The following KRT83 variants were observed in gnomAD, a reference collection of about 807,000 sequenced individuals.
The protein encoded by KRT83 is keratin 83.
Under a neutral mutation model 52.9 loss-of-function variants are expected in KRT83, and 51 were observed. That is an observed-to-expected ratio of 0.96 (90% CI 0.77 to 1.22). The LOEUF (loss-of-function observed/expected upper bound fraction) is 1.22. Among genes scored for constraint, KRT83 ranks in the 50% most tolerant of loss-of-function variants. KRT83 has a pLI of 0.00. For synonymous variants in KRT83, 278 were observed against 274.1 expected, an observed-to-expected ratio of 1.01 and a Z score of -0.14; for missense variants, 654 against 666.5, an observed-to-expected ratio of 0.98 and a Z score of 0.21.
chr12:52,315,828 A>T, intron 7 of KRT83, 65 bp downstream of exon 7: 1 of 1,606,936 alleles, frequency 6.2e-7, no homozygotes, highest in Non-Finnish European at 8.5e-7. Context: ...TGAGACTGAG[A>T]TAGGGAAAAA....
Position 52,314,509 on chromosome 12 carries a change from C to T in KRT83, c.*122G>A, listed in dbSNP as rs989100936. 28 of 932,682 alleles carry T rather than the reference C, an allele frequency of 3.0e-5. 1 individual carries two copies. Among genetic ancestry groups the T allele is most frequent in the Middle Eastern group, 3.1e-4 (1 of 3,212 alleles). 57.8% of individuals were successfully genotyped at this position (932,682 alleles called of 1,614,324 possible). On this transcript the variant is annotated 3_prime_UTR_variant, in exon 9 of 9. Transcript: ENST00000293670. The stretch of plus-strand genomic sequence containing the variant: ...GGAGGAGCCGCTGGTGGGAATGAGC[C>T]GATGGTGTATTCTCAGAACACAAGG...
chr12:52,314,431 G>A lies in KRT83; in HGVS notation c.*200C>T. On this transcript the variant is annotated 3_prime_UTR_variant, in exon 9 of 9. Coordinates refer to ENST00000293670, the MANE Select transcript of KRT83 (RefSeq NM_002282.3). ...GGGGCTGAAGGCTGAGACAGGGGAA[G>A]GAATGGGTCTATTCCCCAGCCACAG... 1 of 633,294 alleles carries A rather than the reference G, an allele frequency of 1.6e-6. No homozygotes were observed. 39.2% of individuals were successfully genotyped at this position (633,294 alleles called of 1,614,324 possible). A position where few individuals can be genotyped will look rare whatever the true frequency, so the allele number is the denominator to read the frequency against.
At chr12:52,320,770 T>G (rs1938755815) in intron 1 of KRT83, among the ~76,000 whole-genome samples, 182 bp downstream of exon 1, 1 of 152,200 alleles carries the variant, frequency 6.6e-6, no homozygotes, top group Admixed American at 6.5e-5. Context: ...CCCCCATCAG[T>G]CTGGTAGCTC....
intron 2 of KRT83, among the ~76,000 whole-genome samples, chr12:52,318,494 A>G (rs1023261824): frequency 4.0e-5 from 6 of 151,826 alleles, no homozygotes; most frequent in African/African-American, 1.2e-4. Flanking sequence ...ACTCAGCTGC[A>G]GGTGGTGGGA....
rs1328157595 is a variant in KRT83 at position 52,314,452 on chromosome 12, C to T, written c.*179G>A. On this transcript the variant is annotated 3_prime_UTR_variant, in exon 9 of 9. Transcript: ENST00000293670. ...GGAAGGAATGGGTCTATTCCCCAGC[C>T]ACAGGCCCCTTTCCAGTGGGATGAA... 2 of 683,124 alleles carry T rather than the reference C, an allele frequency of 2.9e-6. No individual in the cohort carries two copies. Among genetic ancestry groups the T allele is most frequent in the Non-Finnish European group, 5.2e-6 (2 of 381,528 alleles). 42.3% of individuals were successfully genotyped at this position (683,124 alleles called of 1,614,324 possible).
Position 52,314,349 on chromosome 12 carries a change from C to A in KRT83, c.*282G>T. 3.8e-6 allele frequency: 2 copies of A among 529,036 alleles called. No individual in the cohort carries two copies. Among genetic ancestry groups the A allele is most frequent in the Non-Finnish European group, 3.4e-6 (1 of 290,860 alleles). 32.8% of individuals were successfully genotyped at this position (529,036 alleles called of 1,614,324 possible). A position where few individuals can be genotyped will look rare whatever the true frequency, so the allele number is the denominator to read the frequency against. On this transcript the variant is annotated 3_prime_UTR_variant, in exon 9 of 9. Transcript: ENST00000293670. ...AAGGGGAGACAAGAGGCCAGAGAGG[C>A]AGGGGGAACAGTCTCACAGTGCTTC...
chr12:52,314,578 C>A lies in KRT83; in HGVS notation c.*53G>T. 1 of 1,485,814 alleles carries A rather than the reference C, an allele frequency of 6.7e-7. No homozygotes were observed. The highest frequency in any genetic ancestry group is 9.2e-7 in the Non-Finnish European group (1 of 1,088,706). The allele number at this position is 1,485,814 out of a possible 1,614,324, so 92.0% of individuals were successfully genotyped here. A position where few individuals can be genotyped will look rare whatever the true frequency, so the allele number is the denominator to read the frequency against. ...CTGCTGTTTTCAGCTGGTGGTGGGG[C>A]AGTGGCACGTCTGGCAGGCAGAAGG... On this transcript the variant is annotated 3_prime_UTR_variant, in exon 9 of 9. Coordinates refer to ENST00000293670, the MANE Select transcript of KRT83 (RefSeq NM_002282.3).
At chr12:52,315,695 C>A (rs1266032199) in intron 7 of KRT83, among the ~76,000 whole-genome samples, 198 bp downstream of exon 7, 2 of 152,188 alleles carry the variant, frequency 1.3e-5, no homozygotes, top group Non-Finnish European at 2.9e-5. Flanking sequence ...GGCCAGCAAC[C>A]CTGCCCTAGA....
In KRT83 at chr12:52,321,106, C is replaced by G. The variant is rs1938761643; in HGVS notation, c.230G>C (p.Gly77Ala). 3 of 1,612,204 alleles carry G rather than the reference C, an allele frequency of 1.9e-6. No individual in the cohort carries two copies. The South Asian group carries it at 3.3e-5, about 18-fold the overall frequency. The part of the protein sequence containing the change: ...SFGYRSGGVC[G>A]PSPPCITTVS... ...GGTGGTGATGCATGGGGGGCTGGGT[C>G]CGCACACGCCCCCGGAGCGGTAGCC... is the stretch of plus-strand genomic sequence containing the variant. Residue 77 changes from glycine to alanine, a missense_variant, in exon 1 of 9, where the codon GGA (glycine) becomes GCA (alanine). Coordinates refer to ENST00000293670, the MANE Select transcript of KRT83 (RefSeq NM_002282.3).
chr12:52,315,297 G>A lies in KRT83; in HGVS notation c.1294+15C>T, dbSNP rs1938668874. On this transcript the variant is annotated intron_variant, in intron 8 of 8. Transcript: ENST00000293670. The stretch of plus-strand genomic sequence containing the variant: ...CCCAGTCTACATTTTCCTTTTCAGG[G>A]CTCAAGATACTTACAGACATTCACA... The A allele has an allele frequency of 6.2e-7, 1 of 1,613,076 alleles. No individual in the cohort carries two copies. Among genetic ancestry groups the A allele is most frequent in the Non-Finnish European group, 8.5e-7 (1 of 1,179,252 alleles).
Position 52,321,090 on chromosome 12 carries a change from G to A in KRT83, c.246C>T (p.Cys82=). 6.2e-7 allele frequency: 1 copy of A among 1,612,328 alleles called. No individual in the cohort carries two copies. Among genetic ancestry groups the A allele is most frequent in the South Asian group, 1.1e-5 (1 of 91,006 alleles). ...TCTCGTTGACCGACACGGTGGTGAT[G>A]CATGGGGGGCTGGGTCCGCACACGC... The part of the protein sequence containing the change: ...SGGVCGPSPP[C]ITTVSVNESL... Residue 82 remains cysteine (C), a synonymous_variant, in exon 1 of 9, where the codon TGC becomes TGT. Transcript: ENST00000293670.
chr12:52,317,161 T>G (rs1938701167), intron 4 of KRT83, 138 bp from the exon 5 acceptor site: 1 of 1,152,552 alleles, frequency 8.7e-7, no homozygotes, highest in Admixed American at 2.0e-5. Flanking sequence ...CACATAACTT[T>G]CTGCACAAAT....
intron 2 of KRT83, 60 bp from the exon 3 acceptor site, chr12:52,318,030 A>ATATATGCAAAGGAGTCTCTTTCCTAGACC (rs1938713967): frequency 5.5e-6 from 8 of 1,465,586 alleles, no homozygotes; most frequent in Non-Finnish European, 7.6e-6. Flanking sequence ...GGCCATGAGC[A>ATATATGCAAAGGAGTCTCTTTCCTAGACC]TATATGCAAA....
In KRT83 at chr12:52,319,728, C is replaced by T. The variant is rs541914460; in HGVS notation, c.385-364G>A. 8.5e-5 allele frequency among the ~76,000 whole-genome samples: 13 copies of T among 152,342 alleles called. No homozygotes were observed. In the South Asian group the frequency reaches 1.0e-3, roughly 12 times the overall value. ...TTAAAAGAACCCTTTAACAGAAAGG[C>T]ACCCCACACTGAACAGCTACTGCTG... On this transcript the variant is annotated intron_variant, in intron 1 of 8. Transcript: ENST00000293670.
Position 52,316,525 on chromosome 12 carries a change from G to A in KRT83, c.984C>T (p.Asn328=), listed in dbSNP as rs2257286. 0.41 allele frequency: 660,583 copies of A among 1,613,642 alleles called. 137,794 individuals are homozygous for A. The highest frequency in any genetic ancestry group is 0.49 in the African/African-American group (36,498 of 74,878). Residue 328 remains asparagine (N), a synonymous_variant, in exon 6 of 9, where the codon AAC becomes AAT. Transcript: ENST00000293670. ...GCCTCTGGATCATGCGGTTCAGCTC[G>A]TTGATCTCCTCCTTGGTGCGGCGCA... ...ETLRRTKEEI[N]ELNRMIQRLT...
rs143142877 is a variant in KRT83 at position 52,315,916 on chromosome 12, G to A, written c.1239C>T (p.Arg413=). The A allele has an allele frequency of 9.3e-6, 15 of 1,612,650 alleles. No individual in the cohort carries two copies. In the African/African-American group the frequency reaches 1.6e-4, roughly 17 times the overall value. Residue 413 remains arginine (R), a synonymous_variant, in exon 7 of 9, where the codon CGC becomes CGT. Coordinates refer to ENST00000293670, the MANE Select transcript of KRT83 (RefSeq NM_002282.3). ...ACCTCTGCTCCTCGCCCTCCAGCAG[G>A]CGCCTGTAGGTGGCGATCTCGATAT... ...GLDIEIATYR[R]LLEGEEQRLC...
Position 52,315,348 on chromosome 12 carries a change from G to A in KRT83, c.1263-5C>T, listed in dbSNP as rs1938669977. On this transcript the variant is annotated splice_region_variant and splice_polypyrimidine_tract_variant and intron_variant, in intron 7 of 8. Coordinates refer to ENST00000293670, the MANE Select transcript of KRT83 (RefSeq NM_002282.3). The stretch of plus-strand genomic sequence containing the variant: ...GCTTCAACACCTTCACACAGCCTGA[G>A]TGGGGAAAAAGTAAGGAAGGGGAAG... The A allele has an allele frequency of 1.9e-6, 3 of 1,613,786 alleles. No individual in the cohort carries two copies. Among genetic ancestry groups the A allele is most frequent in the Non-Finnish European group, 2.5e-6 (3 of 1,179,734 alleles).
Position 52,319,213 on chromosome 12 carries a change from C to A in KRT83, c.536G>T (p.Gly179Val). The change falls in exon 2 of 9, where the codon GGG (glycine) becomes GTG (valine). Residue 179 changes from glycine (G) to valine (V), a missense_variant. Gly to Val is a moderately radical substitution (Grantham distance 109). Coordinates refer to ENST00000293670, the MANE Select transcript of KRT83 (RefSeq NM_002282.3). ...REAECVEADS[G>V]RLASELNHVQ... ...GTGGTTGAGCTCTGAGGCCAGCCTC[C>A]CACTGTCAGCCTCCACGCACTCGGC... The A allele has an allele frequency of 1.2e-6, 2 of 1,613,712 alleles. No homozygotes were observed. Among genetic ancestry groups the A allele is most frequent in the Non-Finnish European group, 1.7e-6 (2 of 1,179,884 alleles).
chr12:52,316,418 G>A, intron 6 of KRT83, 50 bp downstream of exon 6: 1 of 1,613,480 alleles, frequency 6.2e-7, no homozygotes, highest in Non-Finnish European at 8.5e-7. Context: ...CTCTGCCGAG[G>A]GCTAACCCCA....
Sources: gnomAD v4.1 joint callset for allele counts (sites outside exome capture counted in the v4.1 genomes callset) on GRCh38, gnomAD v4.1.1 for gene constraint, MANE v1.5 for transcripts, NCBI Gene and HGNC (gene_info 2026-07-23, HGNC 2026-07-21) for gene names.